Variants in KTN1 observed in about 807,000 individuals in gnomAD.
KTN1 encodes the protein kinectin 1.
Under a neutral mutation model 222.5 loss-of-function variants are expected in KTN1, and 130 were observed. The observed-to-expected ratio is 0.58, with a 90% CI of 0.51 to 0.68. KTN1 has a LOEUF of 0.68. Among genes scored for constraint, KTN1 ranks in the 30% least tolerant of loss-of-function variants. KTN1 has a pLI of 0.00. For missense variants in KTN1, 1,508 were observed against 1,500.4 expected (o/e 1.01, Z -0.08); for synonymous variants, 512 against 496.3 (o/e 1.03, Z -0.42).
At chr14:55,663,843 A>G in intron 32 of KTN1, 112 bp from the exon 33 acceptor site, 1 of 643,196 alleles carries the variant, frequency 1.6e-6, no homozygotes, top group East Asian at 2.8e-5. Context: ...TCCCATTGAA[A>G]TAATTTTGCA....
chr14:55,670,416 A>G (rs1444252697), intron 34 of KTN1, among the ~76,000 whole-genome samples: 1 of 152,076 alleles, frequency 6.6e-6, no homozygotes, highest in Non-Finnish European at 1.5e-5. Flanking sequence ...AGTAAGTGGT[A>G]GAGGCCAGAT....
At chr14:55,656,919 A>G (rs891788270) in intron 29 of KTN1, among the ~76,000 whole-genome samples, 9 of 152,226 alleles carry the variant, frequency 5.9e-5, no homozygotes, top group Non-Finnish European at 1.3e-4. Flanking sequence ...ATTCTGGATC[A>G]AGGCTTATGT....
At chr14:55,635,513 A>G (rs1170167598) in intron 9 of KTN1, among the ~76,000 whole-genome samples, 20 of 152,182 alleles carry the variant, frequency 1.3e-4, no homozygotes, top group Non-Finnish European at 1.5e-5. Context: ...GATGTACAAA[A>G]AGTCACATAC....
rs1594817419 is a variant in KTN1, at chr14:55,609,725, C to T, written c.-30-2294C>T. On this transcript the variant is annotated intron_variant, in intron 1 of 43. Transcript: ENST00000395314. ...TTCATTAGGCCTTTTTGACTTTTAC[C>T]CCTTTTTTCAGCTTCTATTACTGCT... 5.9e-5 allele frequency among the ~76,000 whole-genome samples: 9 copies of T among 152,126 alleles called. No homozygotes were observed. The South Asian group carries it at 1.9e-3, about 32-fold the overall frequency.
intron 1 of KTN1, among the ~76,000 whole-genome samples, chr14:55,595,928 G>A (rs886465768): frequency 5.9e-5 from 9 of 152,034 alleles, no homozygotes; most frequent in African/African-American, 1.9e-4. Context: ...GCCGAGGTGG[G>A]CGGATCATGA....
chr14:55,635,644 A>G (rs2041037686), intron 9 of KTN1, among the ~76,000 whole-genome samples: 1 of 152,228 alleles, frequency 6.6e-6, no homozygotes, highest in African/African-American at 2.4e-5. Context: ...TTTTATATGC[A>G]TTCTGAAGCA....
intron 1 of KTN1, among the ~76,000 whole-genome samples, chr14:55,582,021 A>G (rs1220126955): frequency 6.6e-6 from 1 of 151,926 alleles, no homozygotes; most frequent in Non-Finnish European, 1.5e-5. Context: ...TGTAGCCTTC[A>G]TCAGACATAA....
chr14:55,660,902 A>G (rs1034215918), intron 31 of KTN1, among the ~76,000 whole-genome samples: 3 of 152,298 alleles, frequency 2.0e-5, no homozygotes, highest in African/African-American at 7.2e-5. Flanking sequence ...TTATATGGAC[A>G]CTGATTCTCA....
chr14:55,633,089 T>A (rs960016239), intron 7 of KTN1, 146 bp from the exon 8 acceptor site: 3 of 460,732 alleles, frequency 6.5e-6, no homozygotes, highest in African/African-American at 6.1e-5. Context: ...ATAATTCTTT[T>A]AAATTTGTTT....
intron 33 of KTN1, among the ~76,000 whole-genome samples, chr14:55,665,108 G>A (rs1371948576): frequency 6.6e-6 from 1 of 151,602 alleles, no homozygotes; most frequent in Non-Finnish European, 1.5e-5. Flanking sequence ...GGTTAAATTC[G>A]AGATAGCTGA....
In KTN1 at chr14:55,675,925, A is replaced by G. The variant is rs867106692; in HGVS notation, c.3855+7A>G. ...AGCTGGTGATTTGCATAAGGTAGGC[A>G]CTGTTCGTCCTAGAGATGTAGTATC... On this transcript the variant is annotated splice_region_variant and intron_variant, in intron 41 of 43. Coordinates refer to ENST00000395314, the MANE Select transcript of KTN1 (RefSeq NM_001079521.2). 1 of 1,601,298 alleles carries G rather than the reference A, an allele frequency of 6.2e-7. No homozygotes were observed. Among genetic ancestry groups the G allele is most frequent in the Middle Eastern group, 1.7e-4 (1 of 6,030 alleles).
Position 55,673,272 on chromosome 14 carries a change from C to G in KTN1, c.3771+17C>G, listed in dbSNP as rs369066248. 3 of 1,536,612 alleles carry G rather than the reference C, an allele frequency of 2.0e-6. No homozygotes were observed. Among genetic ancestry groups the G allele is most frequent in the African/African-American group, 2.7e-5 (2 of 73,386 alleles). ...CTAAATTTGGTAAGAAGCTTGTCCT[C>G]CACTGGGTATCAAGTAGGCACTGAA... is the stretch of plus-strand genomic sequence containing the variant. On this transcript the variant is annotated intron_variant, in intron 40 of 43. Coordinates refer to ENST00000395314, the MANE Select transcript of KTN1 (RefSeq NM_001079521.2).
rs998479780 is a variant in KTN1 at position 55,679,550 on chromosome 14, C to T, written c.3949-15C>T. The T allele has an allele frequency of 6.3e-7, 1 of 1,595,590 alleles. No individual in the cohort carries two copies. The highest frequency in any genetic ancestry group is 1.7e-5 in the Admixed American group (1 of 57,236). On this transcript the variant is annotated splice_polypyrimidine_tract_variant and intron_variant, in intron 42 of 43. Coordinates refer to ENST00000395314, the MANE Select transcript of KTN1 (RefSeq NM_001079521.2). ...TTGTGTATGGAGTTTATCATCACTT[C>T]CATCTTCTTTTTAGGAGTCTTCTGA...
At chr14:55,631,927 T>A (rs78435205) in intron 7 of KTN1, among the ~76,000 whole-genome samples, 1 of 151,644 alleles carries the variant, frequency 6.6e-6, no homozygotes, top group Non-Finnish European at 1.5e-5. Context: ...TGGTACCAGA[T>A]TTTTTTTTGG....
chr14:55,653,728 C>T (rs529547141), intron 28 of KTN1, 132 bp downstream of exon 28: 32 of 608,082 alleles, frequency 5.3e-5, no homozygotes, highest in Admixed American at 1.5e-4. Flanking sequence ...TAATTCCAGA[C>T]GCAAATAGGC....
chr14:55,636,228 G>T (rs893575140), intron 9 of KTN1, among the ~76,000 whole-genome samples: 1 of 152,176 alleles, frequency 6.6e-6, no homozygotes, highest in Non-Finnish European at 1.5e-5. Context: ...TCTCCAAACT[G>T]TAAACCCTGT....
At position 55,606,710 on chromosome 14, in the gene KTN1, TTTA is replaced by T. The variant is rs562987341; in HGVS notation, c.-30-5308_-30-5306del. Among the ~76,000 whole-genome samples the T allele has an allele frequency of 2.1e-3, 313 of 152,278 alleles. 1 individual carries two copies. The highest frequency in any genetic ancestry group is 3.8e-3 in the Non-Finnish European group (258 of 67,970). On this transcript the variant is annotated intron_variant, in intron 1 of 43. Coordinates refer to ENST00000395314, the MANE Select transcript of KTN1 (RefSeq NM_001079521.2). ...ATTCTTATGTTTATGTATTTAAGCT[TTTA>T]AAAGTTTAGTACTGTGCATTCAGTT...
At chr14:55,644,387 A>G (rs2042089620) in intron 18 of KTN1, 6 of 702,318 alleles carry the variant, frequency 8.5e-6, no homozygotes, top group Non-Finnish European at 7.8e-6. Context: ...GAAACCAATA[A>G]TGGTGCCAAG....
At chr14:55,616,765 G>C in intron 3 of KTN1, 111 bp downstream of exon 3, 1 of 838,250 alleles carries the variant, frequency 1.2e-6, no homozygotes, top group Non-Finnish European at 1.8e-6. Flanking sequence ...GTGTGCTAAT[G>C]ACAACTGTAA....
Sources: gnomAD v4.1 joint callset for allele counts (sites outside exome capture counted in the v4.1 genomes callset) on GRCh38, gnomAD v4.1.1 for gene constraint, MANE v1.5 for transcripts, NCBI Gene and HGNC (gene_info 2026-07-23, HGNC 2026-07-21) for gene names.